The following ZNF608 variants were observed in gnomAD, a reference collection of about 807,000 sequenced individuals.
The protein encoded by ZNF608 is zinc finger protein 608, also known as renal carcinoma antigen NY-REN-36.
A neutral mutation model predicts 109.0 loss-of-function variants in ZNF608; 12 were observed. The ratio of observed to expected loss-of-function variants is 0.11; its 90% CI spans 0.07 to 0.18. The LOEUF is 0.18. ZNF608 is among the 10% of genes least tolerant of loss of function. ZNF608 has a pLI of 1.00. For synonymous variants in ZNF608, 732 were observed against 717.4 expected, an observed-to-expected ratio of 1.02 and a Z score of -0.33; for missense variants, 1,707 against 1,879.3, an observed-to-expected ratio of 0.91 and a Z score of 1.70.
chr5:124,746,439 T>C lies in ZNF608; in HGVS notation c.-428A>G, dbSNP rs2149911814. On this transcript the variant is annotated 5_prime_UTR_variant, in exon 1 of 10. Coordinates refer to ENST00000513986, the MANE Select transcript of ZNF608 (RefSeq NM_020747.3). Reference sequence around the variant, plus strand: ...AATGTGTCACTGTACAGCTGGAAAATAATGTTTCACATTCACAACAGAAGC... The same window carrying C: ...AATGTGTCACTGTACAGCTGGAAAACAATGTTTCACATTCACAACAGAAGC... The C allele has an allele frequency of 1.0e-6, 1 of 985,290 alleles. No homozygotes were observed. The highest frequency in any genetic ancestry group is 6.1e-5 in the Admixed American group (1 of 16,284). The allele number at this position is 985,290 out of a possible 1,614,324, so 61.0% of individuals were successfully genotyped here. A position where few individuals can be genotyped will look rare whatever the true frequency, so the allele number is the denominator to read the frequency against.
In ZNF608 at chr5:124,644,623, C is replaced by T; in HGVS notation, c.3744G>A (p.Gln1248=). The T allele has an allele frequency of 1.2e-6, 2 of 1,604,358 alleles. No individual in the cohort carries two copies. The highest frequency in any genetic ancestry group is 2.2e-5 in the East Asian group (1 of 44,808). Residue 1248 remains glutamine (Q), a synonymous_variant, in exon 6 of 10, where the codon CAG becomes CAA. Coordinates refer to ENST00000513986, the MANE Select transcript of ZNF608 (RefSeq NM_020747.3). ...DSRTWHHYVY[Q]PKYLDQQKSE... is the part of the protein sequence containing the mutation. ...ACTTTTGCTGATCCAGATATTTGGG[C>T]TGGTATACATAATGATGCCATGTTC...
In ZNF608 at chr5:124,733,041, A is replaced by G. The variant is rs145267965; in HGVS notation, c.906+11043T>C. Among the ~76,000 whole-genome samples the G allele has an allele frequency of 7.6e-3, 1,156 of 152,130 alleles. 7 individuals are homozygous for G. Among genetic ancestry groups the G allele is most frequent in the Non-Finnish European group, 0.013 (897 of 67,992 alleles). On this transcript the variant is annotated intron_variant, in intron 2 of 9. Transcript: ENST00000513986. ...TCTTTTGCCTTCTTTGTGAAAAAAA[A>G]AAAGGGTAAAAACAGCTGAGCATGA...
upstream of ZNF608, chr5:124,746,895 A>G: frequency 3.0e-6 from 1 of 328,912 alleles, no homozygotes; most frequent in South Asian, 1.2e-4. Context: ...GAGACAGCAG[A>G]TGATTCAGTG....
chr5:124,727,068 C>G (rs949313498), intron 2 of ZNF608, among the ~76,000 whole-genome samples: 12 of 152,220 alleles, frequency 7.9e-5, no homozygotes, highest in Non-Finnish European at 1.5e-4. Flanking sequence ...AGATCCTACA[C>G]TTCAACTTCA....
intron 3 of ZNF608, among the ~76,000 whole-genome samples, chr5:124,656,508 G>T (rs1332913797): frequency 6.6e-6 from 1 of 152,062 alleles, no homozygotes; most frequent in Non-Finnish European, 1.5e-5. Flanking sequence ...TTATGGGAGG[G>T]TAGTTACGAT....
At chr5:124,725,992 C>T (rs1005087731) in intron 2 of ZNF608, among the ~76,000 whole-genome samples, 5 of 152,120 alleles carry the variant, frequency 3.3e-5, no homozygotes, top group African/African-American at 1.2e-4. Context: ...ACAAAAAATC[C>T]AAGCACTCTA....
chr5:124,744,998 T>C lies in ZNF608; in HGVS notation c.-9A>G. ...GAAATGTTCACTGACATCCTGAAGATGAGCTCTCTAGAATAAAAATCCGAT... is the reference window on the plus strand; with the variant it reads ...GAAATGTTCACTGACATCCTGAAGACGAGCTCTCTAGAATAAAAATCCGAT... On this transcript the variant is annotated 5_prime_UTR_variant, in exon 2 of 10. Coordinates refer to ENST00000513986, the MANE Select transcript of ZNF608 (RefSeq NM_020747.3). This position sits in a 1 kb window ranked among gnomAD's most constrained non-coding sequence, Gnocchi z 4.5. The C allele has an allele frequency of 1.9e-6, 3 of 1,596,238 alleles. No homozygotes were observed. The highest frequency in any genetic ancestry group is 2.6e-6 in the Non-Finnish European group (3 of 1,171,262).
intron 3 of ZNF608, among the ~76,000 whole-genome samples, chr5:124,669,656 C>A (rs1751633466): frequency 1.2e-5 from 1 of 85,656 alleles, no homozygotes; most frequent in East Asian, 3.2e-4. Context: ...CAAACACACA[C>A]AAACACACAC....
intron 2 of ZNF608, among the ~76,000 whole-genome samples, chr5:124,731,174 A>G (rs1748877351): frequency 6.6e-6 from 1 of 152,188 alleles, no homozygotes; most frequent in South Asian, 2.1e-4. Context: ...ATGTGTTTAC[A>G]CAAATTTAGT....
At chr5:124,746,889 C>G (rs4836114), upstream of ZNF608, 256,366 of 460,626 alleles carry the variant, frequency 0.56, 73,261 homozygotes, top group African/African-American at 0.72. Context: ...GAGGAGGAGA[C>G]AGCAGATGAT....
Position 124,636,992 on chromosome 5 carries a change from T to C in ZNF608, c.*908A>G, listed in dbSNP as rs193035427. The C allele has an allele frequency of 7.3e-5, 11 of 151,510 alleles. No homozygotes were observed. In the East Asian group the frequency reaches 1.9e-3, roughly 27 times the overall value. The allele number at this position is 151,510 out of a possible 1,614,324, so 9.4% of individuals were successfully genotyped here. ...AGGTATAAAAAAGGAAAGCATTCAA[T>C]ATACATTTTACATAAAATAAACTAG... On this transcript the variant is annotated 3_prime_UTR_variant, in exon 10 of 10. Coordinates refer to ENST00000513986, the MANE Select transcript of ZNF608 (RefSeq NM_020747.3).
chr5:124,720,797 C>T (rs1753871441), intron 2 of ZNF608, among the ~76,000 whole-genome samples: 2 of 152,112 alleles, frequency 1.3e-5, no homozygotes, highest in African/African-American at 2.4e-5. Flanking sequence ...CTCCCAACTC[C>T]TGGGCTGGCT....
At position 124,720,413 on chromosome 5, in the gene ZNF608, T is replaced by C. The variant is rs963139510; in HGVS notation, c.907-19144A>G. Among the ~76,000 whole-genome samples the C allele has an allele frequency of 5.9e-5, 9 of 152,136 alleles. No individual in the cohort carries two copies. In the East Asian group the frequency reaches 1.7e-3, roughly 29 times the overall value. ...TTTTCTACCACTTTTCTGGCAAAAATTGTGAATGGTAAGAAATATAAAACT... is the reference window on the plus strand; with the variant it reads ...TTTTCTACCACTTTTCTGGCAAAAACTGTGAATGGTAAGAAATATAAAACT... On this transcript the variant is annotated intron_variant, in intron 2 of 9. Coordinates refer to ENST00000513986, the MANE Select transcript of ZNF608 (RefSeq NM_020747.3).
At chr5:124,681,055 G>A (rs1363266589) in intron 3 of ZNF608, among the ~76,000 whole-genome samples, 1 of 152,184 alleles carries the variant, frequency 6.6e-6, no homozygotes, top group African/African-American at 2.4e-5. Context: ...AGAGAGCATG[G>A]AAATGGAAAT....
chr5:124,720,727 C>T (rs944975481), intron 2 of ZNF608, among the ~76,000 whole-genome samples: 13 of 152,104 alleles, frequency 8.5e-5, no homozygotes, highest in African/African-American at 2.9e-4. Flanking sequence ...TGTTCTTACA[C>T]AAATTTCAAC....
At chr5:124,688,918 A>G (rs1393987430) in intron 3 of ZNF608, among the ~76,000 whole-genome samples, 1 of 152,218 alleles carries the variant, frequency 6.6e-6, no homozygotes, top group Non-Finnish European at 1.5e-5. Flanking sequence ...ATCTACCTAG[A>G]ACTACTAAGA....
chr5:124,664,112 T>C (rs1751382794), intron 3 of ZNF608, among the ~76,000 whole-genome samples: 2 of 152,194 alleles, frequency 1.3e-5, no homozygotes, highest in Non-Finnish European at 2.9e-5. Flanking sequence ...CAAAACAAAA[T>C]AATAGCCTGT....
intron 3 of ZNF608, among the ~76,000 whole-genome samples, chr5:124,682,446 G>C (rs1469103726): frequency 2.0e-5 from 3 of 152,210 alleles, no homozygotes; most frequent in Non-Finnish European, 1.5e-5. Context: ...CAAGAGAAAT[G>C]AGTCAGGAAA....
chr5:124,642,692 C>CTTTTTTTTTTTTTTTTTTTT, intron 7 of ZNF608, among the ~76,000 whole-genome samples: 1 of 95,292 alleles, frequency 1.0e-5, no homozygotes, highest in Non-Finnish European at 1.9e-5. Context: ...TTTCTATTGT[C>CTTTTTTTTTTTTTTTTTTTT]TTTTTTTTTT....
Sources: gnomAD v4.1 joint callset for allele counts (sites outside exome capture counted in the v4.1 genomes callset) on GRCh38, gnomAD v4.1.1 for gene constraint, Gnocchi (gnomAD v3.1) non-coding constraint, MANE v1.5 for transcripts, NCBI Gene and HGNC (gene_info 2026-07-23, HGNC 2026-07-21) for gene names.